Variants in ZBTB20 observed in about 807,000 individuals in gnomAD.
ZBTB20 encodes zinc finger and BTB domain containing 20, also known as zinc finger and BTB domain-containing protein 20.
A neutral mutation model predicts 56.9 loss-of-function variants in ZBTB20; 9 were observed. The observed-to-expected ratio is 0.16, with a 90% CI of 0.10 to 0.28. The LOEUF is 0.28. ZBTB20 is among the 10% of genes least tolerant of loss of function. ZBTB20 has a pLI of 1.00. For synonymous variants in ZBTB20, 417 were observed against 420.7 expected (o/e 0.99, Z 0.11); for missense variants, 655 against 1,003.0 (o/e 0.65, Z 4.69).
chr3:114,370,766 T>C (rs1486995093), intron 10 of ZBTB20, among the ~76,000 whole-genome samples: 1 of 152,214 alleles, frequency 6.6e-6, no homozygotes, highest in African/African-American at 2.4e-5. Context: ...AACTCAGTGT[T>C]AGTTGTCTCC....
At chr3:115,107,164 T>C (rs2108617841) in intron 1 of ZBTB20, among the ~76,000 whole-genome samples, 1 of 152,334 alleles carries the variant, frequency 6.6e-6, no homozygotes, top group South Asian at 2.1e-4. Context: ...CAGTGGCTCA[T>C]GCCTGTAATC....
chr3:115,067,490 C>A (rs2082249080), intron 2 of ZBTB20, among the ~76,000 whole-genome samples: 1 of 149,176 alleles, frequency 6.7e-6, no homozygotes, highest in South Asian at 2.1e-4. Context: ...CAATGGATAA[C>A]ACAGTGAAAA....
intron 4 of ZBTB20, among the ~76,000 whole-genome samples, chr3:114,879,872 G>A (rs2076333016): frequency 6.6e-6 from 1 of 152,146 alleles, no homozygotes; most frequent in Admixed American, 6.5e-5. Flanking sequence ...TGTTACCACG[G>A]TGACAAAGTA....
At chr3:114,691,053 A>G (rs2062670867) in intron 6 of ZBTB20, among the ~76,000 whole-genome samples, 1 of 152,190 alleles carries the variant, frequency 6.6e-6, no homozygotes, top group Non-Finnish European at 1.5e-5. Context: ...CAAGAAACCT[A>G]GCCAAATCTG....
intron 5 of ZBTB20, among the ~76,000 whole-genome samples, chr3:114,774,410 T>A (rs2069438042): frequency 6.6e-6 from 1 of 152,190 alleles, no homozygotes; most frequent in Non-Finnish European, 1.5e-5. Flanking sequence ...ATAGCTCCAA[T>A]GACCTGGGTA....
At chr3:114,928,758 A>G (rs909793273) in intron 3 of ZBTB20, among the ~76,000 whole-genome samples, 24 of 152,236 alleles carry the variant, frequency 1.6e-4, no homozygotes, top group African/African-American at 5.8e-4. Context: ...AGAATTAAGC[A>G]ATGAGAAATG....
chr3:115,088,546 A>C (rs1257335007), intron 1 of ZBTB20, among the ~76,000 whole-genome samples: 1 of 151,912 alleles, frequency 6.6e-6, no homozygotes, highest in Non-Finnish European at 1.5e-5. Context: ...GAGCTCTTTT[A>C]AATTGTGACT....
chr3:114,624,640 A>G (rs2058546743), intron 6 of ZBTB20, among the ~76,000 whole-genome samples: 1 of 152,198 alleles, frequency 6.6e-6, no homozygotes, highest in African/African-American at 2.4e-5. Context: ...GAGGCTGCTT[A>G]TTAGCCAAAT....
chr3:115,022,846 T>C (rs892367436), intron 2 of ZBTB20, among the ~76,000 whole-genome samples: 6 of 151,078 alleles, frequency 4.0e-5, no homozygotes, highest in African/African-American at 1.5e-4. Context: ...ATAAATATAT[T>C]ACCTTCACTA....
intron 5 of ZBTB20, among the ~76,000 whole-genome samples, chr3:114,726,037 C>T (rs1386112702): frequency 6.6e-6 from 1 of 152,034 alleles, no homozygotes; most frequent in Non-Finnish European, 1.5e-5. Flanking sequence ...ATTTTAGTAA[C>T]ACAAGATATA....
At chr3:114,920,357 A>G (rs1327670124) in intron 3 of ZBTB20, among the ~76,000 whole-genome samples, 1 of 152,178 alleles carries the variant, frequency 6.6e-6, no homozygotes, top group Non-Finnish European at 1.5e-5. Flanking sequence ...ACAGTCTCCA[A>G]ATAGATCAGA....
chr3:114,899,519 C>T (rs1429762784), intron 4 of ZBTB20, among the ~76,000 whole-genome samples: 1 of 151,634 alleles, frequency 6.6e-6, no homozygotes, highest in Admixed American at 6.6e-5. Context: ...GGGCAGTCAA[C>T]AGCTACTAAA....
chr3:114,927,404 A>G lies in ZBTB20; in HGVS notation c.-455-27062T>C, dbSNP rs1041126238. On this transcript the variant is annotated intron_variant, in intron 3 of 11. Transcript: ENST00000675478. ...GCACATGTTATCAAAACCTCCTGAG[A>G]CTGTGTCATGGGCATGTGTCCTTAA... 3.4e-4 allele frequency among the ~76,000 whole-genome samples: 52 copies of G among 152,188 alleles called. 1 individual carries two copies. The highest frequency in any genetic ancestry group is 1.3e-3 in the African/African-American group (52 of 41,444).
Position 114,773,719 on chromosome 3 carries a change from A to T in ZBTB20, c.-343+27382T>A, listed in dbSNP as rs1252032412. On this transcript the variant is annotated intron_variant, in intron 5 of 11. Transcript: ENST00000675478. ...AGTTTATAAAGGCATGAAGATAATG[A>T]ACATTTAAGAAACAATGAAAAAAAG... is the stretch of plus-strand genomic sequence containing the variant. 2.6e-5 allele frequency among the ~76,000 whole-genome samples: 4 copies of T among 152,326 alleles called. No individual in the cohort carries two copies. In the East Asian group the frequency reaches 7.7e-4, roughly 29 times the overall value.
At chr3:115,006,460 G>GATAT (rs142153634) in intron 2 of ZBTB20, among the ~76,000 whole-genome samples, 1,602 of 144,356 alleles carry the variant, frequency 0.011, 24 homozygotes, top group African/African-American at 0.03. Flanking sequence ...TATCCAGTTG[G>GATAT]ATATATATAT....
chr3:115,017,574 CA>C (rs11448493), intron 2 of ZBTB20, among the ~76,000 whole-genome samples: 11 of 150,560 alleles, frequency 7.3e-5, no homozygotes, highest in South Asian at 2.1e-4. Context: ...TTAGATAGAT[CA>C]AAAAAAATGC....
intron 5 of ZBTB20, among the ~76,000 whole-genome samples, chr3:114,777,951 T>C (rs2069736591): frequency 6.6e-6 from 1 of 151,510 alleles, no homozygotes; most frequent in African/African-American, 2.4e-5. Context: ...TGTAGGGACA[T>C]GGATGAAGCT....
At chr3:115,116,657 C>A (rs1002512523) in intron 1 of ZBTB20, among the ~76,000 whole-genome samples, 2 of 151,826 alleles carry the variant, frequency 1.3e-5, no homozygotes, top group African/African-American at 4.8e-5. Context: ...GGCGTCTACA[C>A]ACAATGAGCA....
chr3:114,774,662 T>C (rs1292868671), intron 5 of ZBTB20, among the ~76,000 whole-genome samples: 2 of 152,158 alleles, frequency 1.3e-5, no homozygotes, highest in Admixed American at 1.3e-4. Flanking sequence ...CCAACTCTCT[T>C]TTTAAGGGCT....
Sources: allele counts gnomAD v4.1 joint callset (sites outside exome capture counted in the v4.1 genomes callset), GRCh38; gene constraint gnomAD v4.1.1; transcripts MANE v1.5; gene names NCBI Gene and HGNC (gene_info 2026-07-23, HGNC 2026-07-21).